Variants in PPP1R10 observed in about 807,000 individuals in gnomAD.
PPP1R10 encodes the protein serine/threonine-protein phosphatase 1 regulatory subunit 10.
In PPP1R10, 15 loss-of-function variants were observed where a neutral mutation model predicts 99.0. The observed-to-expected ratio is 0.15, with a 90% CI of 0.10 to 0.23. PPP1R10 has a LOEUF of 0.23. PPP1R10 is among the 10% of genes least tolerant of loss of function. The pLI, the probability that PPP1R10 is intolerant of heterozygous loss-of-function variation, is 1.00. For synonymous variants in PPP1R10, 430 were observed against 449.5 expected (o/e 0.96, Z 0.55); for missense variants, 947 against 1,259.4 (o/e 0.75, Z 3.75).
chr6:30,608,744 A>G (rs1470025689), intron 5 of PPP1R10, 35 bp downstream of exon 5: 1 of 1,604,626 alleles, frequency 6.2e-7, no homozygotes, highest in South Asian at 1.1e-5. Flanking sequence ...ACTAAACCAA[A>G]AAAGGAAGAA....
At position 30,604,743 on chromosome 6, in the gene PPP1R10, G is replaced by A; in HGVS notation, c.955-8C>T. ...CCCTTCAAAGGGGCTTGGCTATTGTGAAAGAAAAGGAAGTTAATGAACTGA... is the reference window on the plus strand; with the variant it reads ...CCCTTCAAAGGGGCTTGGCTATTGTAAAAGAAAAGGAAGTTAATGAACTGA... On this transcript the variant is annotated splice_polypyrimidine_tract_variant and splice_region_variant and intron_variant, in intron 11 of 19. Transcript: ENST00000376511. This position sits in a 1 kb window ranked among gnomAD's most constrained non-coding sequence, Gnocchi z 7.3. 1.2e-6 allele frequency: 2 copies of A among 1,612,880 alleles called. No homozygotes were observed. Among genetic ancestry groups the A allele is most frequent in the Non-Finnish European group, 1.7e-6 (2 of 1,179,994 alleles).
In PPP1R10 at chr6:30,606,651, A is replaced by G. The variant is rs116199391; in HGVS notation, c.461-10T>C. On this transcript the variant is annotated splice_polypyrimidine_tract_variant and intron_variant, in intron 7 of 19. Coordinates refer to ENST00000376511, the MANE Select transcript of PPP1R10 (RefSeq NM_002714.4). This position sits in a 1 kb window ranked among gnomAD's most constrained non-coding sequence, Gnocchi z 6.3. ...TTCTTCTTATCTTTCTCTGTTGTGAAAAAACAAAGCAGAAAAGGATTTTAT... is the reference window on the plus strand; with the variant it reads ...TTCTTCTTATCTTTCTCTGTTGTGAGAAAACAAAGCAGAAAAGGATTTTAT... 6.6e-3 allele frequency: 10,620 copies of G among 1,614,002 alleles called. 143 individuals carry two copies. The highest frequency in any genetic ancestry group is 0.032 in the Middle Eastern group (195 of 6,062).
chr6:30,612,025 A>T (rs1804611586), intron 2 of PPP1R10, among the ~76,000 whole-genome samples: 1 of 152,246 alleles, frequency 6.6e-6, no homozygotes, highest in Admixed American at 6.5e-5. Context: ...CAGATATCAC[A>T]TCTGTTGGAG....
chr6:30,611,417 C>T (rs779894493), intron 2 of PPP1R10, among the ~76,000 whole-genome samples: 11 of 152,194 alleles, frequency 7.2e-5, no homozygotes, highest in Admixed American at 2.0e-4. Context: ...AGAACAAAAC[C>T]TTCCTCATCC....
intron 17 of PPP1R10, 29 bp downstream of exon 17, chr6:30,603,181 A>C (rs1234528671): frequency 4.4e-6 from 7 of 1,591,222 alleles, no homozygotes; most frequent in African/African-American, 1.3e-5. Context: ...TTCCTCCCCC[A>C]GTCCCCTGGG....
chr6:30,604,333 C>T lies in PPP1R10; in HGVS notation c.1261+20G>A, dbSNP rs368099319. 4.3e-4 allele frequency: 702 copies of T among 1,613,962 alleles called. No individual in the cohort carries two copies. The highest frequency in any genetic ancestry group is 6.5e-4 in the East Asian group (29 of 44,902). The stretch of plus-strand genomic sequence containing the variant: ...CAAAATCCCTTAAACACACCTATTA[C>T]GTAGGAAATGACCTCTTACCTCGTT... On this transcript the variant is annotated intron_variant, in intron 13 of 19. Coordinates refer to ENST00000376511, the MANE Select transcript of PPP1R10 (RefSeq NM_002714.4). The surrounding 1 kb of genome is among the most constrained non-coding windows in gnomAD (Gnocchi z 7.3).
Position 30,604,658 on chromosome 6 carries a change from A to G in PPP1R10, c.1032T>C (p.Ser344=), listed in dbSNP as rs1322262758. The change falls in exon 12 of 20, where the codon TCT becomes TCC. Residue 344 remains serine (S), a synonymous_variant. Coordinates refer to ENST00000376511, the MANE Select transcript of PPP1R10 (RefSeq NM_002714.4). The surrounding 1 kb of genome is among the most constrained non-coding windows in gnomAD (Gnocchi z 7.3). Reference sequence around the variant, plus strand: ...CTGGACGGTCTGCGTCCATTGCCTCAGAAGGTGGTGCTGGTTCTGGGGAAG... The same window carrying G: ...CTGGACGGTCTGCGTCCATTGCCTCGGAAGGTGGTGCTGGTTCTGGGGAAG... ...KPSSPEPAPP[S]EAMDADRPGT... 2 of 1,613,154 alleles carry G rather than the reference A, an allele frequency of 1.2e-6. No homozygotes were observed. Among genetic ancestry groups the G allele is most frequent in the South Asian group, 2.2e-5 (2 of 91,090 alleles).
rs772602836 is a variant in PPP1R10, at chr6:30,609,112, A to T, written c.159T>A (p.Ile53=). 4.0e-5 allele frequency: 65 copies of T among 1,613,782 alleles called. 2 individuals are homozygous for T. In the South Asian group the frequency reaches 7.0e-4, roughly 17 times the overall value. Residue 53 remains isoleucine (I), a synonymous_variant, in exon 4 of 20, where the codon ATT becomes ATA. Transcript: ENST00000376511. This position sits in a 1 kb window ranked among gnomAD's most constrained non-coding sequence, Gnocchi z 4.5. ...TTTCTGGTGAACGGGTCTGCAGGAG[A>T]ATGTTCAAGTAAGTGCATCGACTCA... ...KMVSRCTYLN[I]LLQTRSPEIL...
At chr6:30,611,178 G>A (rs951493311) in intron 2 of PPP1R10, among the ~76,000 whole-genome samples, 3 of 152,162 alleles carry the variant, frequency 2.0e-5, no homozygotes, top group Admixed American at 6.5e-5. Context: ...GTGTGCACCT[G>A]TAGTCCCAGC....
At chr6:30,615,109 A>G (rs1037091103) in intron 2 of PPP1R10, among the ~76,000 whole-genome samples, 1 of 152,194 alleles carries the variant, frequency 6.6e-6, no homozygotes, top group South Asian at 2.1e-4. Context: ...GGATGGCAAA[A>G]GGGGGAGAAA....
Position 30,601,399 on chromosome 6 carries a change from C to T in PPP1R10, c.*150G>A, listed in dbSNP as rs183414024. 3.1e-6 allele frequency: 2 copies of T among 641,932 alleles called. No homozygotes were observed. The highest frequency in any genetic ancestry group is 5.5e-6 in the Non-Finnish European group (2 of 365,828). 39.8% of individuals were successfully genotyped at this position (641,932 alleles called of 1,614,324 possible). ...CAATGCGCACCAGTGATCAGAAAACCCCCAGGAACCCAAGCAAGTGGGAAC... is the reference window on the plus strand; with the variant it reads ...CAATGCGCACCAGTGATCAGAAAACTCCCAGGAACCCAAGCAAGTGGGAAC... On this transcript the variant is annotated 3_prime_UTR_variant, in exon 20 of 20. Transcript: ENST00000376511.
In PPP1R10 at chr6:30,604,761, T is replaced by G. The variant is rs1443183656; in HGVS notation, c.955-26A>C. The G allele has an allele frequency of 6.2e-7, 1 of 1,612,792 alleles. No individual in the cohort carries two copies. The highest frequency in any genetic ancestry group is 8.5e-7 in the Non-Finnish European group (1 of 1,179,976). ...CTATTGTGAAAGAAAAGGAAGTTAA[T>G]GAACTGACTGGAAAGCCAAGGGCAA... On this transcript the variant is annotated intron_variant, in intron 11 of 19. Transcript: ENST00000376511. This position sits in a 1 kb window ranked among gnomAD's most constrained non-coding sequence, Gnocchi z 7.3.
At chr6:30,611,193 C>G (rs982974177) in intron 2 of PPP1R10, among the ~76,000 whole-genome samples, 2 of 152,074 alleles carry the variant, frequency 1.3e-5, no homozygotes, top group Admixed American at 6.6e-5. Flanking sequence ...CCCAGCTACC[C>G]GGGAGGCTGA....
intron 17 of PPP1R10, 81 bp from the exon 18 acceptor site, chr6:30,603,040 C>T: frequency 2.2e-6 from 3 of 1,381,630 alleles, no homozygotes; most frequent in Non-Finnish European, 3.0e-6. Flanking sequence ...AACCAACTGA[C>T]CCTCTCAAAC....
In PPP1R10 at chr6:30,603,278, G is replaced by A; in HGVS notation, c.1775C>T (p.Pro592Leu). 1 of 1,613,036 alleles carries A rather than the reference G, an allele frequency of 6.2e-7. No homozygotes were observed. The highest frequency in any genetic ancestry group is 8.5e-7 in the Non-Finnish European group (1 of 1,179,014). Residue 592 changes from proline (P) to leucine (L), a missense_variant, in exon 17 of 20, where the codon CCA (proline) becomes CTA (leucine). Physicochemically the swap from Pro to Leu is moderately conservative, Grantham distance 98. Coordinates refer to ENST00000376511, the MANE Select transcript of PPP1R10 (RefSeq NM_002714.4). Reference protein sequence around the residue: ...QEILTSIMGSPNSHPSEELLK... With the variant: ...QEILTSIMGSLNSHPSEELLK... ...TAGTTCCTCTGAAGGATGACTGTTTGGGCTACCCTGTGAGGATGTAAGAAG... is the reference window on the plus strand; with the variant it reads ...TAGTTCCTCTGAAGGATGACTGTTTAGGCTACCCTGTGAGGATGTAAGAAG...
In PPP1R10 at chr6:30,601,130, T is replaced by TAA; in HGVS notation, c.*418_*419insTT. ...GGAATAATGAACTTAGCTGGGATGA[T>TAA]TTCTTAAGTGCAGCTGATCCTGTGT... is the stretch of plus-strand genomic sequence containing the variant. On this transcript the variant is annotated 3_prime_UTR_variant, in exon 20 of 20. Coordinates refer to ENST00000376511, the MANE Select transcript of PPP1R10 (RefSeq NM_002714.4). 1 of 183,946 alleles carries TAA rather than the reference T, an allele frequency of 5.4e-6. No individual in the cohort carries two copies. Among genetic ancestry groups the TAA allele is most frequent in the Non-Finnish European group, 1.1e-5 (1 of 87,182 alleles). The allele number at this position is 183,946 out of a possible 1,614,324, so 11.4% of individuals were successfully genotyped here. A position where few individuals can be genotyped will look rare whatever the true frequency, so the allele number is the denominator to read the frequency against.
chr6:30,616,323 G>A (rs1214799267), intron 2 of PPP1R10, among the ~76,000 whole-genome samples, 155 bp downstream of exon 2: 1 of 152,162 alleles, frequency 6.6e-6, no homozygotes, highest in Non-Finnish European at 1.5e-5. Context: ...TAGACCCACA[G>A]GCCCTTTTTA....
chr6:30,614,868 G>T (rs1760290882), intron 2 of PPP1R10, among the ~76,000 whole-genome samples: 1 of 152,104 alleles, frequency 6.6e-6, no homozygotes, highest in Non-Finnish European at 1.5e-5. Context: ...ACACAGAGAT[G>T]GACAGCCTTG....
chr6:30,604,567 C>T lies in PPP1R10; in HGVS notation c.1102+21G>A, dbSNP rs532980896. ...CCCTCCTTTCAGAAAACCCCCCAAA[C>T]TGAACCAGTTTCTAGATTACCTGTA... is the stretch of plus-strand genomic sequence containing the variant. On this transcript the variant is annotated intron_variant, in intron 12 of 19. Transcript: ENST00000376511. The surrounding 1 kb of genome is among the most constrained non-coding windows in gnomAD (Gnocchi z 7.3). 6.2e-7 allele frequency: 1 copy of T among 1,612,902 alleles called. No homozygotes were observed. The highest frequency in any genetic ancestry group is 8.5e-7 in the Non-Finnish European group (1 of 1,179,926).
Sources: gnomAD v4.1 joint callset for allele counts (sites outside exome capture counted in the v4.1 genomes callset) on GRCh38, gnomAD v4.1.1 for gene constraint, Gnocchi (gnomAD v3.1) non-coding constraint, MANE v1.5 for transcripts, NCBI Gene and HGNC (gene_info 2026-07-23, HGNC 2026-07-21) for gene names.